BTBD8: variants seen among roughly 807,000 people sequenced by gnomAD.
BTBD8 encodes BTB domain containing 8.
In BTBD8, 110 loss-of-function variants were observed where a neutral mutation model predicts 162.9. The ratio of observed to expected loss-of-function variants is 0.68; its 90% CI spans 0.58 to 0.79. The LOEUF is 0.79. Among genes scored for constraint, BTBD8 ranks in the 30% least tolerant of loss-of-function variants. The pLI is 0.00. For missense variants in BTBD8, 1,905 were observed against 2,085.4 expected, an observed-to-expected ratio of 0.91 and a Z score of 1.68; for synonymous variants, 667 against 716.1, an observed-to-expected ratio of 0.93 and a Z score of 1.10.
intron 4 of BTBD8, among the ~76,000 whole-genome samples, chr1:92,119,613 CTCTTT>C (rs1216310251): frequency 2.0e-5 from 3 of 150,584 alleles, no homozygotes; most frequent in Non-Finnish European, 3.0e-5. Context: ...ATTCTATAAG[CTCTTT>C]TCTTTTCTTT....
At chr1:92,147,620 A>C in intron 8 of BTBD8, 64 bp from the exon 9 acceptor site, 1 of 1,360,682 alleles carries the variant, frequency 7.3e-7, no homozygotes, top group African/African-American at 1.5e-5. Context: ...GAAAACCAAA[A>C]TATTGACTAT....
Position 92,178,340 on chromosome 1 carries a change from T to G in BTBD8, c.2470T>G (p.Cys824Gly). ...ACTAAAGAAAGTCAGTGGCAAAGGA[T>G]GTAGTGAGCCAGTACCACAGGCAAT... ...SVLKKVSGKG[C>G]SEPVPQAILK... is the part of the protein sequence containing the mutation. The change falls in exon 16 of 18, where the codon TGT becomes GGT. Residue 824 changes from cysteine (C) to glycine (G), a missense_variant. Around this residue, in one of 3 missense-constraint regions of BTBD8, gnomAD observed 1,374 missense variants for 1,442.7 expected, o/e 0.95. Transcript: ENST00000636805. 1 of 1,551,444 alleles carries G rather than the reference T, an allele frequency of 6.4e-7. No individual in the cohort carries two copies. Among genetic ancestry groups the G allele is most frequent in the Non-Finnish European group, 8.7e-7 (1 of 1,146,804 alleles).
intron 9 of BTBD8, among the ~76,000 whole-genome samples, chr1:92,153,991 G>T (rs1248403905): frequency 6.6e-6 from 1 of 152,118 alleles, no homozygotes; most frequent in African/African-American, 2.4e-5. Flanking sequence ...GAATGGTTTG[G>T]TGCCATCCCC....
chr1:92,128,320 C>G (rs534606427), intron 4 of BTBD8, among the ~76,000 whole-genome samples: 1 of 151,976 alleles, frequency 6.6e-6, no homozygotes, highest in African/African-American at 2.4e-5. Context: ...GCTCTGTCGC[C>G]CAGGCTGGAG....
At position 92,107,961 on chromosome 1, in the gene BTBD8, A is replaced by G. The variant is rs1648778009; in HGVS notation, c.622A>G (p.Ile208Val). 1 of 1,613,938 alleles carries G rather than the reference A, an allele frequency of 6.2e-7. No homozygotes were observed. Residue 208 changes from isoleucine to valine, a missense_variant, in exon 4 of 18, where the codon ATT becomes GTT. Ile to Val is a conservative substitution (Grantham distance 29, BLOSUM62 3). Around this residue, in one of 3 missense-constraint regions of BTBD8, gnomAD observed 1,374 missense variants for 1,442.7 expected, o/e 0.95. Coordinates refer to ENST00000636805, the MANE Select transcript of BTBD8 (RefSeq NM_001376131.1). ...KLYVKPCCPD[I>V]DIFVDGKRFK... is the part of the protein sequence containing the mutation. ...TTATGTGAAACCTTGTTGCCCAGATATTGATATTTTTGTTGATGGAAAACG... is the reference window on the plus strand; with the variant it reads ...TTATGTGAAACCTTGTTGCCCAGATGTTGATATTTTTGTTGATGGAAAACG...
intron 9 of BTBD8, among the ~76,000 whole-genome samples, chr1:92,155,301 A>G (rs1289308433): frequency 6.6e-6 from 1 of 152,236 alleles, no homozygotes; most frequent in East Asian, 1.9e-4. Flanking sequence ...AATGCAATCA[A>G]GATTTTGATA....
intron 5 of BTBD8, among the ~76,000 whole-genome samples, chr1:92,136,020 G>A (rs181984841): frequency 4.3e-4 from 65 of 152,270 alleles, no homozygotes; most frequent in Non-Finnish European, 7.4e-4. Flanking sequence ...TGTCATATCT[G>A]TAGTACATAA....
At chr1:92,163,439 ATTACATATATGT>A (rs942851988) in intron 9 of BTBD8, among the ~76,000 whole-genome samples, 1 of 151,310 alleles carries the variant, frequency 6.6e-6, no homozygotes, top group African/African-American at 2.4e-5. Context: ...AAATAAGAAA[ATTACATATATGT>A]TTTGTTTGTA....
chr1:92,094,762 T>C (rs933795612), intron 2 of BTBD8, among the ~76,000 whole-genome samples: 1 of 152,202 alleles, frequency 6.6e-6, no homozygotes, highest in African/African-American at 2.4e-5. Context: ...TGGTTATTGT[T>C]GTGAGAGTGT....
intron 12 of BTBD8, among the ~76,000 whole-genome samples, chr1:92,170,814 A>G (rs1650517449): frequency 6.6e-6 from 1 of 152,098 alleles, no homozygotes. Flanking sequence ...ATAAATTCCC[A>G]TATAAACCTA....
At chr1:92,126,503 A>G in intron 4 of BTBD8, 2 of 494,076 alleles carry the variant, frequency 4.0e-6, no homozygotes, top group East Asian at 6.8e-5. Flanking sequence ...CCTCTCCTCA[A>G]TCCTCTTCAC....
intron 1 of BTBD8, among the ~76,000 whole-genome samples, chr1:92,081,829 C>T (rs549466221): frequency 6.6e-6 from 1 of 152,330 alleles, no homozygotes; most frequent in South Asian, 2.1e-4. Context: ...CCGCCTCGGC[C>T]TCCCAAAATG....
At chr1:92,175,644 A>C (rs1650693101) in intron 13 of BTBD8, among the ~76,000 whole-genome samples, 1 of 151,546 alleles carries the variant, frequency 6.6e-6, no homozygotes, top group African/African-American at 2.4e-5. Flanking sequence ...AAATACAAAA[A>C]AATTAGCCAA....
chr1:92,143,969 CTTTTTTT>C (rs935357789), intron 7 of BTBD8, among the ~76,000 whole-genome samples: 70 of 103,212 alleles, frequency 6.8e-4, no homozygotes, highest in African/African-American at 2.5e-3. Context: ...ACTTTTAGTT[CTTTTTTT>C]TTTTTTTTTT....
In BTBD8 at chr1:92,115,627, C is replaced by T. The variant is rs148670824; in HGVS notation, c.662+7626C>T. 997 of 385,684 alleles carry T rather than the reference C, an allele frequency of 2.6e-3. 10 individuals carry two copies. The highest frequency in any genetic ancestry group is 7.4e-3 in the South Asian group (322 of 43,792). 23.9% of individuals were successfully genotyped at this position (385,684 alleles called of 1,614,324 possible). On this transcript the variant is annotated intron_variant, in intron 4 of 17. Coordinates refer to ENST00000636805, the MANE Select transcript of BTBD8 (RefSeq NM_001376131.1). ...TCAAGCTTCCTGTTTTCAGCCTTGA[C>T]GATGCCGTGGAACTTGGCCATGGGT...
chr1:92,122,869 A>G (rs999291272), intron 4 of BTBD8, among the ~76,000 whole-genome samples: 2 of 152,158 alleles, frequency 1.3e-5, no homozygotes, highest in African/African-American at 2.4e-5. Flanking sequence ...CCGGCCAGGG[A>G]TGTCATTTTT....
chr1:92,100,665 A>G (rs186182924), intron 2 of BTBD8, among the ~76,000 whole-genome samples: 3 of 152,200 alleles, frequency 2.0e-5, no homozygotes, highest in Admixed American at 1.3e-4. Context: ...GCTGGAGTAC[A>G]GTGGCATGAT....
At chr1:92,163,925 T>G (rs1432662075) in intron 9 of BTBD8, among the ~76,000 whole-genome samples, 1 of 152,200 alleles carries the variant, frequency 6.6e-6, no homozygotes, top group Non-Finnish European at 1.5e-5. Flanking sequence ...AAAATGCTAC[T>G]GTCAGAGCAC....
At chr1:92,080,871 C>A in intron 1 of BTBD8, 151 bp downstream of exon 1, 2 of 1,247,224 alleles carry the variant, frequency 1.6e-6, no homozygotes, top group Non-Finnish European at 2.2e-6. Flanking sequence ...AGTCTCCCCA[C>A]TATTCCGAAA....
Sources: gnomAD v4.1 joint callset for allele counts (sites outside exome capture counted in the v4.1 genomes callset) on GRCh38, gnomAD v4.1.1 for gene constraint, gnomAD v4.1.1 regional missense constraint, MANE v1.5 for transcripts, NCBI Gene and HGNC (gene_info 2026-07-23, HGNC 2026-07-21) for gene names.